The following KCNIP4 variants were observed in gnomAD, a reference collection of about 807,000 sequenced individuals.
KCNIP4 encodes the protein potassium voltage-gated channel interacting protein 4, also known as Kv channel-interacting protein 4.
In KCNIP4, 12 loss-of-function variants were observed where a neutral mutation model predicts 34.0. The ratio of observed to expected loss-of-function variants is 0.35; its 90% CI spans 0.23 to 0.57. KCNIP4 has a LOEUF of 0.57. KCNIP4 is among the 20% of genes least tolerant of loss of function. The pLI, the probability that KCNIP4 is intolerant of heterozygous loss-of-function variation, is 0.83. For synonymous variants in KCNIP4, 124 were observed against 102.2 expected (o/e 1.21, Z -1.29); for missense variants, 238 against 311.7 (o/e 0.76, Z 1.78).
chr4:20,888,199 G>A (rs907454731), intron 1 of KCNIP4, among the ~76,000 whole-genome samples: 1 of 151,816 alleles, frequency 6.6e-6, no homozygotes, highest in Non-Finnish European at 1.5e-5. Context: ...AAAGTAGAAG[G>A]GATGAGTAGA....
chr4:20,800,190 T>C lies in KCNIP4; in HGVS notation c.289-41300A>G, dbSNP rs532912105. ...CAGTCATCACTGACACTGATCACAATTGAAGAAGCTGCATACAGACTGTAT... is the reference window on the plus strand; with the variant it reads ...CAGTCATCACTGACACTGATCACAACTGAAGAAGCTGCATACAGACTGTAT... On this transcript the variant is annotated intron_variant, in intron 3 of 8. Transcript: ENST00000382152. Among the ~76,000 whole-genome samples the C allele has an allele frequency of 4.7e-4, 71 of 152,316 alleles. 1 individual carries two copies. The South Asian group carries it at 0.012, about 27-fold the overall frequency.
intron 1 of KCNIP4, among the ~76,000 whole-genome samples, chr4:21,680,878 GT>G (rs1446500504): frequency 6.6e-6 from 1 of 152,114 alleles, no homozygotes; most frequent in Non-Finnish European, 1.5e-5. Flanking sequence ...CAGAGACAGA[GT>G]AGATTTAGCA....
At chr4:21,158,304 G>A (rs560851940) in intron 1 of KCNIP4, among the ~76,000 whole-genome samples, 112 of 152,138 alleles carry the variant, frequency 7.4e-4, no homozygotes, top group Non-Finnish European at 1.4e-3. Flanking sequence ...AATATTCTAT[G>A]AGCCAGCATT....
chr4:21,416,763 G>T (rs1724983129), intron 1 of KCNIP4, among the ~76,000 whole-genome samples: 1 of 152,148 alleles, frequency 6.6e-6, no homozygotes, highest in Non-Finnish European at 1.5e-5. Context: ...GAGGTGATTT[G>T]TAGTATAACC....
intron 1 of KCNIP4, among the ~76,000 whole-genome samples, chr4:21,184,387 G>T (rs780239089): frequency 6.6e-6 from 1 of 152,146 alleles, no homozygotes; most frequent in Non-Finnish European, 1.5e-5. Flanking sequence ...ATAGTGTTTT[G>T]CAATAGCAGA....
In KCNIP4 at chr4:21,911,031, CT is replaced by C. The variant is rs1396007970; in HGVS notation, c.61+37539del. On this transcript the variant is annotated intron_variant, in intron 1 of 8. Transcript: ENST00000382152. The stretch of plus-strand genomic sequence containing the variant: ...ATTTTTTATTGACTGTTTACAGTTT[CT>C]TTTTTTTTCTAGTGCATACAATGAG... 5.3e-5 allele frequency among the ~76,000 whole-genome samples: 8 copies of C among 151,390 alleles called. No homozygotes were observed. The South Asian group carries it at 1.3e-3, about 24-fold the overall frequency.
At chr4:21,327,098 T>G (rs576519795) in intron 1 of KCNIP4, among the ~76,000 whole-genome samples, 2 of 152,184 alleles carry the variant, frequency 1.3e-5, no homozygotes, top group African/African-American at 4.8e-5. Flanking sequence ...TACAGTGATA[T>G]AATATTCTGT....
At chr4:21,262,634 G>A (rs761112498) in intron 1 of KCNIP4, among the ~76,000 whole-genome samples, 31 of 152,090 alleles carry the variant, frequency 2.0e-4, no homozygotes, top group Non-Finnish European at 3.5e-4. Flanking sequence ...TTCCCTTTCT[G>A]GACCTATTTT....
intron 1 of KCNIP4, among the ~76,000 whole-genome samples, chr4:21,006,051 A>G (rs979318163): frequency 1.3e-5 from 2 of 152,184 alleles, no homozygotes; most frequent in Admixed American, 6.5e-5. Flanking sequence ...AAGCACAGAG[A>G]GACTACGCAT....
At chr4:21,196,285 A>T (rs935030515) in intron 1 of KCNIP4, among the ~76,000 whole-genome samples, 6 of 152,156 alleles carry the variant, frequency 3.9e-5, no homozygotes, top group African/African-American at 1.2e-4. Context: ...GCTGATTTAA[A>T]TTTGTCCCTC....
chr4:20,895,097 A>G (rs770664380), intron 1 of KCNIP4, among the ~76,000 whole-genome samples: 7 of 152,238 alleles, frequency 4.6e-5, no homozygotes, highest in Non-Finnish European at 1.0e-4. Context: ...TGGGTCTGAC[A>G]TTCTGACTTC....
In KCNIP4 at chr4:21,304,041, G is replaced by GAGAGAC. The variant is rs1712077699; in HGVS notation, c.62-421333_62-421332insGTCTCT. 57 of 508,188 alleles carry GAGAGAC rather than the reference G, an allele frequency of 1.1e-4. No individual in the cohort carries two copies. In the South Asian group the frequency reaches 2.9e-3, roughly 26 times the overall value. 31.5% of individuals were successfully genotyped at this position (508,188 alleles called of 1,614,324 possible). On this transcript the variant is annotated intron_variant, in intron 1 of 8. Coordinates refer to ENST00000382152, the MANE Select transcript of KCNIP4 (RefSeq NM_025221.6). The stretch of plus-strand genomic sequence containing the variant: ...AGGAGGAGAGCGTATGAGAGAGAGA[G>GAGAGAC]AGAGAGAGAGAGAGAGAGAGAGAGA...
intron 1 of KCNIP4, among the ~76,000 whole-genome samples, chr4:21,538,292 C>T (rs1047073069): frequency 2.0e-5 from 3 of 152,096 alleles, no homozygotes; most frequent in Non-Finnish European, 2.9e-5. Context: ...TTAAACCACA[C>T]AGTTTGTGAT....
intron 1 of KCNIP4, among the ~76,000 whole-genome samples, chr4:20,890,736 A>T (rs780179761): frequency 6.6e-6 from 1 of 151,966 alleles, no homozygotes; most frequent in Non-Finnish European, 1.5e-5. Context: ...GATAATAAAA[A>T]GTAAGTGTGT....
intron 1 of KCNIP4, among the ~76,000 whole-genome samples, chr4:21,352,897 G>A (rs1016036041): frequency 6.6e-6 from 1 of 152,114 alleles, no homozygotes; most frequent in South Asian, 2.1e-4. Flanking sequence ...TCATACAGGT[G>A]GGTGCCCCTC....
intron 1 of KCNIP4, among the ~76,000 whole-genome samples, chr4:21,445,811 G>A (rs919423203): frequency 6.6e-6 from 1 of 152,128 alleles, no homozygotes; most frequent in Non-Finnish European, 1.5e-5. Flanking sequence ...CACAGCAAAA[G>A]AAACTACCAT....
chr4:21,910,692 A>G (rs1402210641), intron 1 of KCNIP4, among the ~76,000 whole-genome samples: 1 of 152,196 alleles, frequency 6.6e-6, no homozygotes, highest in Admixed American at 6.5e-5. Flanking sequence ...TTACTCTCTA[A>G]TCTAGCTCAC....
chr4:21,400,465 T>C (rs930366629), intron 1 of KCNIP4, among the ~76,000 whole-genome samples: 2 of 117,966 alleles, frequency 1.7e-5, no homozygotes, highest in Non-Finnish European at 3.4e-5. Flanking sequence ...TTTCTTTCTG[T>C]TCCTCTCCTC....
At chr4:21,929,541 C>T (rs1485764685) in intron 1 of KCNIP4, among the ~76,000 whole-genome samples, 3 of 152,112 alleles carry the variant, frequency 2.0e-5, no homozygotes, top group African/African-American at 7.2e-5. Context: ...CATCGTTCTC[C>T]ACTACTCAAC....
Sources: allele counts gnomAD v4.1 joint callset (sites outside exome capture counted in the v4.1 genomes callset), GRCh38; gene constraint gnomAD v4.1.1; transcripts MANE v1.5; gene names NCBI Gene and HGNC (gene_info 2026-07-23, HGNC 2026-07-21).